Variants in RHOBTB1 observed in about 807,000 individuals in gnomAD.
The protein encoded by RHOBTB1 is rho-related BTB domain-containing protein 1.
A neutral mutation model predicts 71.6 loss-of-function variants in RHOBTB1; 40 were observed. The ratio of observed to expected loss-of-function variants is 0.56; its 90% CI spans 0.43 to 0.73. The LOEUF (loss-of-function observed/expected upper bound fraction) is 0.73. Among genes scored for constraint, RHOBTB1 ranks in the 30% least tolerant of loss-of-function variants. The probability of loss-of-function intolerance (pLI) is 0.00; values close to 1 mark genes in which losing one functional copy is unlikely to be tolerated. For synonymous variants in RHOBTB1, 319 were observed against 334.9 expected (o/e 0.95, Z 0.52); for missense variants, 797 against 894.0 (o/e 0.89, Z 1.38).
At chr10:60,891,586 G>A (rs542479507) in intron 5 of RHOBTB1, among the ~76,000 whole-genome samples, 155 of 151,798 alleles carry the variant, frequency 1.0e-3, no homozygotes, top group African/African-American at 3.3e-3. Flanking sequence ...GGCCTCAAGC[G>A]ATCCTCCCAC....
intron 2 of RHOBTB1, among the ~76,000 whole-genome samples, chr10:60,974,488 TC>T (rs2086255069): frequency 1.3e-5 from 2 of 152,144 alleles, no homozygotes; most frequent in East Asian, 3.9e-4. Flanking sequence ...AAAATCAGAC[TC>T]CAAAAAATAT....
chr10:60,982,276 T>C (rs2086522309), intron 2 of RHOBTB1, among the ~76,000 whole-genome samples: 1 of 152,152 alleles, frequency 6.6e-6, no homozygotes, highest in Non-Finnish European at 1.5e-5. Context: ...ACTTAGCAGA[T>C]AGGCCTGACT....
upstream of RHOBTB1, among the ~76,000 whole-genome samples, chr10:60,948,206 C>A (rs774180426): frequency 6.6e-6 from 1 of 152,096 alleles, no homozygotes; most frequent in Non-Finnish European, 1.5e-5. Context: ...TAAAAAAATA[C>A]ATTCTGGGGT....
At chr10:60,985,982 C>T (rs1037903337) in intron 1 of RHOBTB1, 1 of 152,118 alleles carries the variant, frequency 6.6e-6, no homozygotes, top group Non-Finnish European at 1.5e-5. Context: ...GAATGTTTCA[C>T]TATCAAGAAG....
chr10:60,951,929 G>A (rs1022195487), intron 2 of RHOBTB1, among the ~76,000 whole-genome samples: 1 of 151,928 alleles, frequency 6.6e-6, no homozygotes, highest in Non-Finnish European at 1.5e-5. Context: ...ATGCTGGCAG[G>A]CACCTGTAAT....
intron 2 of RHOBTB1, among the ~76,000 whole-genome samples, chr10:60,966,500 T>C (rs577220712): frequency 2.5e-4 from 37 of 149,704 alleles, no homozygotes; most frequent in African/African-American, 8.8e-4. Flanking sequence ...CCAGACCCTA[T>C]CTCTAATTAA....
chr10:60,930,794 T>C (rs1433742415), intron 2 of RHOBTB1, among the ~76,000 whole-genome samples: 1 of 152,128 alleles, frequency 6.6e-6, no homozygotes, highest in Non-Finnish European at 1.5e-5. Flanking sequence ...TGGGATCTCT[T>C]CCCTTCAGGT....
At chr10:60,969,618 A>G (rs532955088) in intron 2 of RHOBTB1, among the ~76,000 whole-genome samples, 1 of 152,156 alleles carries the variant, frequency 6.6e-6, no homozygotes, top group South Asian at 2.1e-4. Flanking sequence ...TTTTCTATCA[A>G]TCAGAACAGC....
At chr10:60,953,820 A>G (rs1364413770) in intron 2 of RHOBTB1, among the ~76,000 whole-genome samples, 1 of 152,202 alleles carries the variant, frequency 6.6e-6, no homozygotes. Flanking sequence ...AAATAGAAAC[A>G]CAAAGACACA....
chr10:60,982,630 C>T (rs765420189), intron 2 of RHOBTB1, among the ~76,000 whole-genome samples: 2 of 152,104 alleles, frequency 1.3e-5, no homozygotes, highest in Non-Finnish European at 2.9e-5. Flanking sequence ...CAGTCATTAC[C>T]AAATGCCTCC....
chr10:60,985,325 C>G (rs1460949940), intron 2 of RHOBTB1, among the ~76,000 whole-genome samples: 1 of 152,098 alleles, frequency 6.6e-6, no homozygotes, highest in Admixed American at 6.5e-5. Context: ...TTTTCAAAAG[C>G]TGATTTTACT....
chr10:60,878,120 G>A (rs1320595511), intron 7 of RHOBTB1, 62 bp from the exon 8 acceptor site: 1 of 1,339,124 alleles, frequency 7.5e-7, no homozygotes, highest in East Asian at 2.3e-5. Flanking sequence ...CACATTTTCA[G>A]GCTATGCTGC....
chr10:60,910,561 A>C (rs2082913269), intron 4 of RHOBTB1, among the ~76,000 whole-genome samples: 1 of 152,224 alleles, frequency 6.6e-6, no homozygotes, highest in Non-Finnish European at 1.5e-5. Flanking sequence ...ACATTCTAAC[A>C]GAAGGCAAGT....
chr10:60,890,670 G>A (rs12251974), intron 5 of RHOBTB1, among the ~76,000 whole-genome samples: 35,545 of 152,068 alleles, frequency 0.23, 4,376 homozygotes, highest in East Asian at 0.49. Context: ...AACACCAAAG[G>A]TAATATATAG....
At chr10:60,957,387 T>C (rs985566250) in intron 2 of RHOBTB1, among the ~76,000 whole-genome samples, 2 of 152,238 alleles carry the variant, frequency 1.3e-5, no homozygotes, top group African/African-American at 4.8e-5. Flanking sequence ...GTAATGTCAC[T>C]AGGCAATAAG....
chr10:60,915,844 C>T (rs2083243885), intron 2 of RHOBTB1, among the ~76,000 whole-genome samples: 1 of 152,190 alleles, frequency 6.6e-6, no homozygotes, highest in Non-Finnish European at 1.5e-5. Context: ...CTTGGGCCTA[C>T]AGGATGGTGC....
chr10:60,921,563 A>C (rs921734875), intron 2 of RHOBTB1, among the ~76,000 whole-genome samples: 1 of 152,214 alleles, frequency 6.6e-6, no homozygotes, highest in Non-Finnish European at 1.5e-5. Context: ...TGAGATTATA[A>C]ATTTTTGGCA....
At chr10:60,952,224 TCTA>T (rs1307251414) in intron 2 of RHOBTB1, among the ~76,000 whole-genome samples, 1 of 152,174 alleles carries the variant, frequency 6.6e-6, no homozygotes, top group Non-Finnish European at 1.5e-5. Context: ...TGTTATCTGT[TCTA>T]CTGTGATCAC....
At chr10:60,965,240 A>T (rs928653467) in intron 2 of RHOBTB1, among the ~76,000 whole-genome samples, 1 of 152,106 alleles carries the variant, frequency 6.6e-6, no homozygotes, top group African/African-American at 2.4e-5. Context: ...TGAAATGCTT[A>T]GGTTTTATAT....
Sources: allele counts gnomAD v4.1 joint callset (sites outside exome capture counted in the v4.1 genomes callset), GRCh38; gene constraint gnomAD v4.1.1; transcripts MANE v1.5; gene names NCBI Gene and HGNC (gene_info 2026-07-23, HGNC 2026-07-21).